The following IL22RA2 variants were observed in gnomAD, a reference collection of about 807,000 sequenced individuals.
IL22RA2 encodes interleukin 22 receptor subunit alpha 2.
IL22RA2 carries 39 observed loss-of-function variants against 30.7 expected under a neutral mutation model. The ratio of observed to expected loss-of-function variants is 1.27; its 90% CI spans 0.98 to 1.66. The LOEUF (loss-of-function observed/expected upper bound fraction) is 1.66. IL22RA2 is among the 40% of genes most tolerant of loss of function. The pLI is 0.00. For synonymous variants in IL22RA2, 103 were observed against 105.0 expected, an observed-to-expected ratio of 0.98 and a Z score of 0.11; for missense variants, 315 against 312.7, an observed-to-expected ratio of 1.01 and a Z score of -0.05.
intron 1 of IL22RA2, among the ~76,000 whole-genome samples, chr6:137,164,929 T>C (rs1037945203): frequency 6.6e-6 from 1 of 152,160 alleles, no homozygotes; most frequent in African/African-American, 2.4e-5. Context: ...CAGTCCATTT[T>C]CCTAACTCAC....
chr6:137,155,204 C>A, intron 4 of IL22RA2, 85 bp from the exon 5 acceptor site: 3 of 999,162 alleles, frequency 3.0e-6, no homozygotes, highest in Non-Finnish European at 4.4e-6. Context: ...ATTTTTTATA[C>A]CTGATTCTAG....
Position 137,147,812 on chromosome 6 carries a change from T to A in IL22RA2, c.552A>T (p.Pro184=). The A allele has an allele frequency of 6.2e-7, 1 of 1,613,478 alleles. No homozygotes were observed. Among genetic ancestry groups the A allele is most frequent in the Non-Finnish European group, 8.5e-7 (1 of 1,179,458 alleles). Residue 184 remains proline (P), a synonymous_variant, in exon 6 of 7, where the codon CCA becomes CCT. Transcript: ENST00000296980. ...LLVILHAPNL[P]YRYQKEKNVS... Reference sequence around the variant, plus strand: ...CATTTTTTTCCTTTTGGTATCTATATGGTAAATTTGGAGCATGGAGAATTA... The same window carrying A: ...CATTTTTTTCCTTTTGGTATCTATAAGGTAAATTTGGAGCATGGAGAATTA...
chr6:137,145,423 G>A lies in IL22RA2; in HGVS notation c.*201C>T, dbSNP rs1344649494. 2 of 455,826 alleles carry A rather than the reference G, an allele frequency of 4.4e-6. No individual in the cohort carries two copies. The highest frequency in any genetic ancestry group is 2.1e-5 in the African/African-American group (1 of 48,756). The allele number at this position is 455,826 out of a possible 1,614,324, so 28.2% of individuals were successfully genotyped here. The stretch of plus-strand genomic sequence containing the variant: ...CATCTTTACATTTCAATTTTTCGGG[G>A]GGAATGTCGTTCAAATATAGTTTAC... On this transcript the variant is annotated 3_prime_UTR_variant, in exon 7 of 7. Coordinates refer to ENST00000296980, the MANE Select transcript of IL22RA2 (RefSeq NM_052962.3).
At position 137,144,140 on chromosome 6, in the gene IL22RA2, C is replaced by CA. The variant is rs1476082363; in HGVS notation, c.*1483dup. 6.6e-6 allele frequency: 1 copy of CA among 151,836 alleles called. No individual in the cohort carries two copies. Among genetic ancestry groups the CA allele is most frequent in the Non-Finnish European group, 1.5e-5 (1 of 67,906 alleles). 9.4% of individuals were successfully genotyped at this position (151,836 alleles called of 1,614,324 possible). ...GCCCTCTCCACAAAAGGACAAAAGG[C>CA]AAAAAAGGTAGTAAGCAAAATATAA... is the stretch of plus-strand genomic sequence containing the variant. On this transcript the variant is annotated 3_prime_UTR_variant, in exon 7 of 7. Transcript: ENST00000296980.
chr6:137,150,700 A>G (rs1335013924), intron 5 of IL22RA2, among the ~76,000 whole-genome samples: 3 of 152,146 alleles, frequency 2.0e-5, no homozygotes, highest in Non-Finnish European at 4.4e-5. Context: ...GCTTGAATAT[A>G]ATAATCACAC....
intron 6 of IL22RA2, among the ~76,000 whole-genome samples, chr6:137,147,288 GAAGTTAGAGGCTA>G (rs1363038364): frequency 1.2e-4 from 17 of 146,192 alleles, no homozygotes; most frequent in Admixed American, 6.9e-5. Context: ...CTTAAGCCCA[GAAGTTAGAGGCTA>G]CAGTGAGCTA....
intron 2 of IL22RA2, among the ~76,000 whole-genome samples, chr6:137,159,330 T>C (rs765569765): frequency 1.1e-4 from 16 of 150,426 alleles, no homozygotes; most frequent in Admixed American, 6.6e-5. Context: ...AAGCATATCT[T>C]TTTTTTTTGG....
chr6:137,163,408 G>A (rs940072445), intron 1 of IL22RA2, among the ~76,000 whole-genome samples: 6 of 152,098 alleles, frequency 3.9e-5, no homozygotes, highest in Admixed American at 3.3e-4. Context: ...GCAGATTTTC[G>A]TCTCCTTTGC....
chr6:137,161,841 C>A, intron 1 of IL22RA2, 27 bp from the exon 2 acceptor site: 1 of 952,162 alleles, frequency 1.1e-6, no homozygotes, highest in Non-Finnish European at 1.7e-6. Context: ...CAGACAATCA[C>A]TCCCGGGTTT....
chr6:137,164,811 G>A (rs992402080), intron 1 of IL22RA2, among the ~76,000 whole-genome samples: 1 of 152,174 alleles, frequency 6.6e-6, no homozygotes, highest in Admixed American at 6.5e-5. Flanking sequence ...AGTCCAAGGG[G>A]GAGAACAGCT....
intron 1 of IL22RA2, among the ~76,000 whole-genome samples, chr6:137,167,253 C>G (rs536737368): frequency 2.0e-5 from 3 of 152,258 alleles, no homozygotes; most frequent in East Asian, 3.9e-4. Context: ...ACCGGACACT[C>G]AAACAGCCGT....
chr6:137,156,986 CAA>C, intron 3 of IL22RA2, 132 bp from the exon 4 acceptor site: 3 of 1,247,752 alleles, frequency 2.4e-6, no homozygotes, highest in Non-Finnish European at 3.3e-6. Context: ...AGAACTCACT[CAA>C]CTGCAGCAAT....
At chr6:137,161,546 C>T (rs1778520657) in intron 2 of IL22RA2, 143 bp downstream of exon 2, 1 of 667,608 alleles carries the variant, frequency 1.5e-6, no homozygotes, top group South Asian at 1.8e-5. Context: ...GACACTAACC[C>T]CATGCCTGCT....
Position 137,144,273 on chromosome 6 carries a change from C to T in IL22RA2, c.*1351G>A, listed in dbSNP as rs891134658. The T allele has an allele frequency of 6.6e-6, 1 of 152,178 alleles. No homozygotes were observed. Among genetic ancestry groups the T allele is most frequent in the African/African-American group, 2.4e-5 (1 of 41,452 alleles). The allele number at this position is 152,178 out of a possible 1,614,324, so 9.4% of individuals were successfully genotyped here. On this transcript the variant is annotated 3_prime_UTR_variant, in exon 7 of 7. Transcript: ENST00000296980. Reference sequence around the variant, plus strand: ...ATACAGGGAAGCAAGGAAACCAATTCTCTAGCTCTTGCTCTGCCTCTTATT... The same window carrying T: ...ATACAGGGAAGCAAGGAAACCAATTTTCTAGCTCTTGCTCTGCCTCTTATT...
At chr6:137,158,559 T>A (rs999750370) in intron 2 of IL22RA2, 77 bp from the exon 3 acceptor site, 21 of 1,472,538 alleles carry the variant, frequency 1.4e-5, no homozygotes, top group Non-Finnish European at 2.0e-5. Context: ...TTCAGTGGAA[T>A]ACCTGCATCA....
chr6:137,151,699 C>G (rs763685340), intron 5 of IL22RA2, among the ~76,000 whole-genome samples: 5 of 152,016 alleles, frequency 3.3e-5, no homozygotes, highest in Non-Finnish European at 5.9e-5. Context: ...CCTTACAACT[C>G]AAAAATAAAA....
intron 1 of IL22RA2, among the ~76,000 whole-genome samples, chr6:137,168,059 T>C (rs1476189265): frequency 6.6e-6 from 1 of 152,228 alleles, no homozygotes; most frequent in Non-Finnish European, 1.5e-5. Flanking sequence ...ATGCATAGTA[T>C]AAGTTTAATC....
At chr6:137,147,311 AT>A (rs1269064496) in intron 6 of IL22RA2, among the ~76,000 whole-genome samples, 2 of 149,768 alleles carry the variant, frequency 1.3e-5, no homozygotes, top group African/African-American at 4.9e-5. Context: ...ACAGTGAGCT[AT>A]GATCACCACT....
chr6:137,158,464 T>C lies in IL22RA2; in HGVS notation c.80A>G (p.Glu27Gly). Residue 27 changes from glutamate (E) to glycine (G), a missense_variant, in exon 3 of 7, where the codon GAG becomes GGG. Transcript: ENST00000296980. The stretch of plus-strand genomic sequence containing the variant: ...TTGTACCCTCTGAGGCTTCAGAGAC[T>C]CATGCGTTGACTGAGTTCCTAAGAT... ...TGVAGTQSTH[E>G]SLKPQRVQFQ... 1.2e-6 allele frequency: 2 copies of C among 1,614,122 alleles called. No individual in the cohort carries two copies. The highest frequency in any genetic ancestry group is 8.5e-7 in the Non-Finnish European group (1 of 1,179,988).
Sources: allele counts gnomAD v4.1 joint callset (sites outside exome capture counted in the v4.1 genomes callset), GRCh38; gene constraint gnomAD v4.1.1; transcripts MANE v1.5; gene names NCBI Gene and HGNC (gene_info 2026-07-23, HGNC 2026-07-21).